DNAH12: variants seen among roughly 807,000 people sequenced by gnomAD.
DNAH12 encodes axonemal beta dynein heavy chain 12.
DNAH12 carries 285 observed loss-of-function variants against 371.5 expected under a neutral mutation model. That is an observed-to-expected ratio of 0.77 (90% CI 0.70 to 0.85). The LOEUF (loss-of-function observed/expected upper bound fraction) is 0.85. DNAH12 is among the 40% of genes least tolerant of loss of function. The pLI is 0.00. For missense variants in DNAH12, 3,611 were observed against 3,689.4 expected (o/e 0.98, Z 0.55); for synonymous variants, 1,200 against 1,213.0 (o/e 0.99, Z 0.22).
At chr3:57,448,454 G>A (rs576286846) in intron 25 of DNAH12, among the ~76,000 whole-genome samples, 18 of 151,556 alleles carry the variant, frequency 1.2e-4, no homozygotes, top group Middle Eastern at 3.2e-3. Flanking sequence ...GGAGTTGTTC[G>A]TTCCTCCCAG....
the DNAH12 span, among the ~76,000 whole-genome samples, chr3:57,550,442 T>G: frequency 6.6e-6 from 1 of 152,188 alleles, no homozygotes; most frequent in Non-Finnish European, 1.5e-5. Context: ...TTATAACCTC[T>G]TACAGTTTTT....
intron 4 of DNAH12, among the ~76,000 whole-genome samples, chr3:57,513,435 C>T (rs374763058): frequency 2.6e-5 from 4 of 152,052 alleles, no homozygotes; most frequent in African/African-American, 4.8e-5. Flanking sequence ...CCATGGCACA[C>T]GTATACCTAT....
At chr3:57,342,649 C>T (rs1553656620) in intron 60 of DNAH12, among the ~76,000 whole-genome samples, 1 of 25,530 alleles carries the variant, frequency 3.9e-5, no homozygotes, top group East Asian at 6.0e-4. Flanking sequence ...CAGACTGAGA[C>T]TCAAAAAAAA....
chr3:57,386,415 C>A (rs1469867294), intron 47 of DNAH12, 26 bp downstream of exon 47: 9 of 152,106 alleles, frequency 5.9e-5, no homozygotes, highest in African/African-American at 2.2e-4. Context: ...TATATATTAC[C>A]ATTTTGAGCA....
chr3:57,371,140 A>C (rs2063161067), intron 55 of DNAH12, among the ~76,000 whole-genome samples: 1 of 152,198 alleles, frequency 6.6e-6, no homozygotes, highest in Admixed American at 6.5e-5. Flanking sequence ...CCAGCAATAC[A>C]CCAAAGAATC....
Position 57,453,019 on chromosome 3 carries a change from G to GA in DNAH12, c.3614-5dup, listed in dbSNP as rs1182915183. 6.5e-7 allele frequency: 1 copy of GA among 1,531,086 alleles called. No homozygotes were observed. The highest frequency in any genetic ancestry group is 1.3e-5 in the South Asian group (1 of 78,304). 94.8% of individuals were successfully genotyped at this position (1,531,086 alleles called of 1,614,324 possible). ...AAATCTGTATCATGTGAGACACCTA[G>GA]AAAAAATAAAGTAAAATAAGACACA... is the stretch of plus-strand genomic sequence containing the variant. On this transcript the variant is annotated splice_polypyrimidine_tract_variant and splice_region_variant and intron_variant, in intron 24 of 73. Transcript: ENST00000495027.
chr3:57,495,992 T>A (rs1443013615), intron 11 of DNAH12, among the ~76,000 whole-genome samples: 2 of 142,328 alleles, frequency 1.4e-5, no homozygotes, highest in South Asian at 4.2e-4. Flanking sequence ...TTATATATAT[T>A]ATATATATAT....
rs535608797 is a variant in DNAH12, at chr3:57,542,777, C to A, written c.94G>T (p.Val32Phe). ...PIVHLPENIG[V>F]DTPTQSKLLK... ...AGCTTACTTTGTGTTGGTGTATCAA[C>A]GCCTATGTTTTCTGGGAGATGGACA... The change falls in exon 2 of 74, where the codon GTT becomes TTT. Residue 32 changes from valine (V) to phenylalanine (F), a missense_variant. Coordinates refer to ENST00000495027, the MANE Select transcript of DNAH12 (RefSeq NM_001366028.2). 1 of 1,611,720 alleles carries A rather than the reference C, an allele frequency of 6.2e-7. No individual in the cohort carries two copies. The highest frequency in any genetic ancestry group is 1.3e-5 in the African/African-American group (1 of 74,630).
intron 43 of DNAH12, among the ~76,000 whole-genome samples, chr3:57,397,605 A>G: frequency 6.6e-6 from 1 of 152,324 alleles, no homozygotes; most frequent in East Asian, 1.9e-4. Flanking sequence ...TTCTACTGGC[A>G]GGCACCAGGG....
chr3:57,356,906 C>T (rs1214832925), intron 59 of DNAH12, among the ~76,000 whole-genome samples: 1 of 151,810 alleles, frequency 6.6e-6, no homozygotes, highest in Non-Finnish European at 1.5e-5. Flanking sequence ...CCACGCCTGG[C>T]TAATTTTTGT....
chr3:57,303,339 CA>C (rs1310949192), intron 69 of DNAH12, among the ~76,000 whole-genome samples: 1,909 of 61,378 alleles, frequency 0.031, 22 homozygotes, highest in African/African-American at 0.073. Flanking sequence ...GACGCCAGCT[CA>C]AAAAAAAAAA....
chr3:57,317,704 C>A (rs1005767499), intron 65 of DNAH12, among the ~76,000 whole-genome samples: 1 of 152,088 alleles, frequency 6.6e-6, no homozygotes, highest in Non-Finnish European at 1.5e-5. Flanking sequence ...AGTGAGACTG[C>A]TGGATCATAT....
intron 62 of DNAH12, among the ~76,000 whole-genome samples, chr3:57,325,273 G>A (rs1010393728): frequency 6.6e-6 from 1 of 152,244 alleles, no homozygotes; most frequent in Admixed American, 6.5e-5. Flanking sequence ...GCCTCCTCAA[G>A]TGGGTCCCTG....
At chr3:57,380,609 C>T (rs1277217230) in intron 50 of DNAH12, among the ~76,000 whole-genome samples, 1 of 152,122 alleles carries the variant, frequency 6.6e-6, no homozygotes, top group South Asian at 2.1e-4. Context: ...AGACTACAGG[C>T]TTCTGTCACC....
At chr3:57,418,771 TAA>T (rs1246212279) in intron 37 of DNAH12, among the ~76,000 whole-genome samples, 1 of 152,224 alleles carries the variant, frequency 6.6e-6, no homozygotes, top group African/African-American at 2.4e-5. Context: ...TATGATTATA[TAA>T]ACTTGTCTAG....
Position 57,504,076 on chromosome 3 carries a change from G to A in DNAH12, c.1026C>T (p.Thr342=). 6.2e-7 allele frequency: 1 copy of A among 1,613,946 alleles called. No homozygotes were observed. Among genetic ancestry groups the A allele is most frequent in the Non-Finnish European group, 8.5e-7 (1 of 1,179,922 alleles). Residue 342 remains threonine (T), a synonymous_variant, in exon 9 of 74, where the codon ACC becomes ACT. Coordinates refer to ENST00000495027, the MANE Select transcript of DNAH12 (RefSeq NM_001366028.2). ...FDDDKMEFYP[T]FQDLEDNVLS... ...AGACATTATCTTCCAAATCTTGAAAGGTAGGATAAAATTCCATTTTGTCGT... is the reference window on the plus strand; with the variant it reads ...AGACATTATCTTCCAAATCTTGAAAAGTAGGATAAAATTCCATTTTGTCGT...
At chr3:57,534,804 T>TG (rs2068974151) in intron 2 of DNAH12, among the ~76,000 whole-genome samples, 2 of 152,154 alleles carry the variant, frequency 1.3e-5, no homozygotes, top group Non-Finnish European at 2.9e-5. Context: ...TCACTATGCC[T>TG]GGCCAGTTAG....
At chr3:57,537,068 C>G (rs73082416) in intron 2 of DNAH12, among the ~76,000 whole-genome samples, 19,688 of 135,800 alleles carry the variant, frequency 0.14, 1,400 homozygotes, top group South Asian at 0.25. Flanking sequence ...GTGGCGCACA[C>G]CTGTAGTCCC....
At chr3:57,435,373 C>CCAAAAAAA (rs1553691248) in intron 30 of DNAH12, among the ~76,000 whole-genome samples, 1 of 94,742 alleles carries the variant, frequency 1.1e-5, no homozygotes, top group Non-Finnish European at 2.0e-5. Flanking sequence ...CTCTGTCTCC[C>CCAAAAAAA]AAAAAAAAAA....
Sources: gnomAD v4.1 joint callset for allele counts (sites outside exome capture counted in the v4.1 genomes callset) on GRCh38, gnomAD v4.1.1 for gene constraint, MANE v1.5 for transcripts, NCBI Gene and HGNC (gene_info 2026-07-23, HGNC 2026-07-21) for gene names.